Variants in GMDS observed in about 807,000 individuals in gnomAD.
GMDS encodes GDP-mannose 4,6 dehydratase.
Under a neutral mutation model 49.9 loss-of-function variants are expected in GMDS, and 20 were observed. The observed-to-expected ratio is 0.40, with a 90% CI of 0.28 to 0.58. The LOEUF (loss-of-function observed/expected upper bound fraction) is 0.58, where lower values mean the gene tolerates loss of function less well. GMDS is among the 20% of genes least tolerant of loss of function. The pLI, the probability that GMDS is intolerant of heterozygous loss-of-function variation, is 0.42. For missense variants in GMDS, 362 were observed against 481.4 expected (o/e 0.75, Z 2.32); for synonymous variants, 177 against 178.6 (o/e 0.99, Z 0.07).
intron 1 of GMDS, among the ~76,000 whole-genome samples, chr6:2,148,355 G>A (rs1202322144): frequency 6.6e-6 from 1 of 152,124 alleles, no homozygotes; most frequent in African/African-American, 2.4e-5. Flanking sequence ...GTATAAATAT[G>A]AGACTTACAA....
intron 9 of GMDS, among the ~76,000 whole-genome samples, chr6:1,643,368 GCCCACGGGGCAGCTGAGC>G (rs1316528466): frequency 3.9e-5 from 6 of 152,208 alleles, no homozygotes; most frequent in African/African-American, 1.4e-4. Context: ...AACCCTGACT[GCCCACGGGGCAGCTGAGC>G]CCCCGAGGCT....
chr6:1,861,573 G>A (rs190248693), intron 7 of GMDS, among the ~76,000 whole-genome samples: 47 of 150,100 alleles, frequency 3.1e-4, no homozygotes, highest in African/African-American at 1.2e-3. Flanking sequence ...TTCGGGGCAT[G>A]AAGCAGAAAT....
chr6:1,932,979 A>C (rs1260804964), intron 6 of GMDS, among the ~76,000 whole-genome samples: 1 of 152,190 alleles, frequency 6.6e-6, no homozygotes, highest in Non-Finnish European at 1.5e-5. Context: ...AATCAATTTC[A>C]GAACACTTTC....
At chr6:2,122,209 T>C (rs1388857979) in intron 2 of GMDS, among the ~76,000 whole-genome samples, 2 of 152,228 alleles carry the variant, frequency 1.3e-5, no homozygotes, top group African/African-American at 4.8e-5. Flanking sequence ...TGATCTCATC[T>C]AAACCTTTAG....
chr6:1,624,307 C>A, intron 10 of GMDS, 76 bp from the exon 11 acceptor site: 2 of 1,386,000 alleles, frequency 1.4e-6, no homozygotes, highest in Non-Finnish European at 2.0e-6. Flanking sequence ...GGGTGTCGGC[C>A]CCAGAGAGGC....
intron 9 of GMDS, among the ~76,000 whole-genome samples, chr6:1,629,568 G>A (rs1424034336): frequency 6.6e-6 from 1 of 152,146 alleles, no homozygotes; most frequent in Non-Finnish European, 1.5e-5. Flanking sequence ...CCTGCACCAT[G>A]GCCTCGTCCG....
chr6:1,680,369 T>C lies in GMDS; in HGVS notation c.987+46047A>G, dbSNP rs559723515. 5.9e-5 allele frequency among the ~76,000 whole-genome samples: 9 copies of C among 152,272 alleles called. 1 individual carries two copies. Among genetic ancestry groups the C allele is most frequent in the African/African-American group, 2.2e-4 (9 of 41,552 alleles). ...AGGCAGAGAGCTGAGTGGCAGTAAA[T>C]AAACAGGGCCTGACCCCTATCAGAA... On this transcript the variant is annotated intron_variant, in intron 9 of 10. Coordinates refer to ENST00000380815, the MANE Select transcript of GMDS (RefSeq NM_001500.4).
intron 4 of GMDS, among the ~76,000 whole-genome samples, chr6:2,017,727 G>T (rs756529145): frequency 6.6e-6 from 1 of 152,106 alleles, no homozygotes; most frequent in Admixed American, 6.5e-5. Context: ...ACTGTTGACT[G>T]AAGTCTTAAT....
chr6:1,899,587 T>C (rs1214712432), intron 7 of GMDS, among the ~76,000 whole-genome samples: 2 of 152,274 alleles, frequency 1.3e-5, no homozygotes, highest in East Asian at 3.9e-4. Flanking sequence ...CAGGAGATTA[T>C]GGAAGAAAGT....
At chr6:1,972,399 T>C (rs1228653222) in intron 4 of GMDS, among the ~76,000 whole-genome samples, 2 of 152,064 alleles carry the variant, frequency 1.3e-5, no homozygotes, top group African/African-American at 4.8e-5. Flanking sequence ...AAATCTGTCA[T>C]GATTTCTGTA....
chr6:2,104,998 T>C (rs373676267), intron 4 of GMDS, among the ~76,000 whole-genome samples: 294 of 151,834 alleles, frequency 1.9e-3, no homozygotes, highest in African/African-American at 4.3e-3. Context: ...CTGGCTAACA[T>C]GGTGAAACCC....
At chr6:2,235,831 GAAA>G (rs545858150) in intron 1 of GMDS, among the ~76,000 whole-genome samples, 1 of 129,732 alleles carries the variant, frequency 7.7e-6, no homozygotes, top group Non-Finnish European at 1.7e-5. Flanking sequence ...AAAAAAATAA[GAAA>G]AAAAAAAAAA....
chr6:2,009,848 T>C (rs1767438783), intron 4 of GMDS, among the ~76,000 whole-genome samples: 2 of 152,204 alleles, frequency 1.3e-5, no homozygotes, highest in South Asian at 4.1e-4. Flanking sequence ...CCAAAACAGA[T>C]TGCTTATATT....
chr6:1,788,978 C>G (rs1769421590), intron 7 of GMDS, among the ~76,000 whole-genome samples: 1 of 152,168 alleles, frequency 6.6e-6, no homozygotes, highest in Admixed American at 6.5e-5. Flanking sequence ...CCCAGGTCAC[C>G]TGCACTTATA....
chr6:2,244,896 A>G (rs1224534189), intron 1 of GMDS, among the ~76,000 whole-genome samples: 1 of 152,170 alleles, frequency 6.6e-6, no homozygotes, highest in Non-Finnish European at 1.5e-5. Context: ...GTTAGCAGGT[A>G]AGCGCCCCTT....
At chr6:2,200,068 CATTT>C (rs1158732896) in intron 1 of GMDS, among the ~76,000 whole-genome samples, 13 of 152,150 alleles carry the variant, frequency 8.5e-5, no homozygotes, top group Non-Finnish European at 1.8e-4. Flanking sequence ...TATATTCATT[CATTT>C]ATTAAACAAA....
chr6:2,033,680 C>T (rs1013586587), intron 4 of GMDS, among the ~76,000 whole-genome samples: 3 of 152,138 alleles, frequency 2.0e-5, no homozygotes, highest in Non-Finnish European at 4.4e-5. Flanking sequence ...GCTTTTATTG[C>T]CCCTTTTGCC....
At chr6:2,038,171 C>A (rs1428153524) in intron 4 of GMDS, among the ~76,000 whole-genome samples, 8 of 152,180 alleles carry the variant, frequency 5.3e-5, no homozygotes, top group African/African-American at 1.7e-4. Flanking sequence ...GCCATCCCCA[C>A]CTCCTGACAC....
In GMDS at chr6:1,708,898, C is replaced by T. The variant is rs750406118; in HGVS notation, c.987+17518G>A. Among the ~76,000 whole-genome samples, 45 of 152,232 alleles carry T rather than the reference C, an allele frequency of 3.0e-4. 1 individual carries two copies. Among genetic ancestry groups the T allele is most frequent in the Non-Finnish European group, 5.3e-4 (36 of 68,042 alleles). ...AGTCATACACTAAAAGGACAAAAAG[C>T]CATTGTCAGGTGCTGTGGTGACATG... On this transcript the variant is annotated intron_variant, in intron 9 of 10. Transcript: ENST00000380815.
Sources: gnomAD v4.1 joint callset for allele counts (sites outside exome capture counted in the v4.1 genomes callset) on GRCh38, gnomAD v4.1.1 for gene constraint, MANE v1.5 for transcripts, NCBI Gene and HGNC (gene_info 2026-07-23, HGNC 2026-07-21) for gene names.